Variants in SCYL3 observed in about 807,000 individuals in gnomAD.
SCYL3 encodes SCY1 like pseudokinase 3, also known as protein-associating with the carboxyl-terminal domain of ezrin.
In SCYL3, 35 loss-of-function variants were observed where a neutral mutation model predicts 73.8. The ratio of observed to expected loss-of-function variants is 0.47; its 90% confidence interval spans 0.36 to 0.63. SCYL3 has a LOEUF of 0.63. SCYL3 is among the 20% of genes least tolerant of loss of function. SCYL3 has a pLI of 0.00. For synonymous variants in SCYL3, 277 were observed against 295.2 expected (o/e 0.94, Z 0.63); for missense variants, 712 against 798.9 (o/e 0.89, Z 1.31).
chr1:169,852,304 T>C lies in SCYL3; in HGVS notation c.*1409A>G. Reference sequence around the variant, plus strand: ...AATCAAATGAGTCTCCTAATAATTTTTGGCAGTAACTGAAGATCACATCTA... The same window carrying C: ...AATCAAATGAGTCTCCTAATAATTTCTGGCAGTAACTGAAGATCACATCTA... On this transcript the variant is annotated 3_prime_UTR_variant, in exon 13 of 13. Coordinates refer to ENST00000367771, the MANE Select transcript of SCYL3 (RefSeq NM_020423.7). 9.8e-6 allele frequency: 3 copies of C among 305,176 alleles called. No individual in the cohort carries two copies. Among genetic ancestry groups the C allele is most frequent in the East Asian group, 1.8e-4 (2 of 10,984 alleles). The allele number at this position is 305,176 out of a possible 1,614,324, so 18.9% of individuals were successfully genotyped here.
rs762237726 is a variant in SCYL3, at chr1:169,853,668, A to T, written c.*45T>A. The T allele has an allele frequency of 1.2e-4, 185 of 1,590,244 alleles. 2 individuals carry two copies. The highest frequency in any genetic ancestry group is 3.6e-4 in the South Asian group (32 of 89,224). The stretch of plus-strand genomic sequence containing the variant: ...TGCTTTTGAGGTATTGATTTTTTTT[A>T]AAAAAAGGGAATCCTTTTTCCTAAA... On this transcript the variant is annotated 3_prime_UTR_variant, in exon 13 of 13. Transcript: ENST00000367771.
chr1:169,853,978 C>A, intron 12 of SCYL3: 1 of 628,602 alleles, frequency 1.6e-6, no homozygotes. Context: ...TTTTCAAAAA[C>A]CATAAAATCC....
chr1:169,864,369 C>T lies in SCYL3; in HGVS notation c.955G>A (p.Asp319Asn). The T allele has an allele frequency of 6.2e-7, 1 of 1,613,866 alleles. No homozygotes were observed. The highest frequency in any genetic ancestry group is 8.5e-7 in the Non-Finnish European group (1 of 1,179,814). Residue 319 changes from aspartate (D) to asparagine (N), a missense_variant and splice_region_variant, in exon 9 of 13, where the codon GAT becomes AAT. Coordinates refer to ENST00000367771, the MANE Select transcript of SCYL3 (RefSeq NM_020423.7). ...AATAACACTTTGAAAAAGCATTCAC[C>T]TTTTTTGGGGCCAAGCAGATAAGGA... ...FLPYLLGPKK[D>N]HAQGETPCLL...
rs982710560 is a variant in SCYL3, at chr1:169,853,567, C to T, written c.*146G>A. The stretch of plus-strand genomic sequence containing the variant: ...AGCACTCACAGTCAGTCTCCTACTT[C>T]AGTTGGCACAGACTGGATAATGAGC... On this transcript the variant is annotated 3_prime_UTR_variant, in exon 13 of 13. Transcript: ENST00000367771. 2 of 786,410 alleles carry T rather than the reference C, an allele frequency of 2.5e-6. No individual in the cohort carries two copies. The highest frequency in any genetic ancestry group is 4.1e-6 in the Non-Finnish European group (2 of 483,770). The allele number at this position is 786,410 out of a possible 1,614,324, so 48.7% of individuals were successfully genotyped here. A position where few individuals can be genotyped will look rare whatever the true frequency, so the allele number is the denominator to read the frequency against.
At chr1:169,880,419 C>T (rs768181111) in intron 2 of SCYL3, among the ~76,000 whole-genome samples, 3 of 90,928 alleles carry the variant, frequency 3.3e-5, no homozygotes, top group Non-Finnish European at 8.7e-5. Flanking sequence ...AAAGGAAACA[C>T]ATTACATGGA....
At chr1:169,883,744 A>G (rs1257809417) in intron 2 of SCYL3, among the ~76,000 whole-genome samples, 1 of 130,112 alleles carries the variant, frequency 7.7e-6, no homozygotes. Flanking sequence ...TTTGAGACAG[A>G]GTCTCGCTAT....
chr1:169,860,578 C>T (rs752157023), intron 10 of SCYL3, among the ~76,000 whole-genome samples: 1 of 152,222 alleles, frequency 6.6e-6, no homozygotes, highest in Non-Finnish European at 1.5e-5. Flanking sequence ...TCCAACAGGA[C>T]TCAAAAGATA....
chr1:169,866,040 C>A (rs979504707), intron 8 of SCYL3, among the ~76,000 whole-genome samples: 8 of 152,222 alleles, frequency 5.3e-5, no homozygotes, highest in Non-Finnish European at 1.5e-5. Context: ...CTTAAGACTT[C>A]TCTGAAGCTT....
Position 169,852,551 on chromosome 1 carries a change from C to T in SCYL3, c.*1162G>A. 1 of 520,966 alleles carries T rather than the reference C, an allele frequency of 1.9e-6. No individual in the cohort carries two copies. 32.3% of individuals were successfully genotyped at this position (520,966 alleles called of 1,614,324 possible). Reference sequence around the variant, plus strand: ...ATTGGGAGCCCTTTGGGACAGGATACTTGTTGTATACCACATACAAACTAA... The same window carrying T: ...ATTGGGAGCCCTTTGGGACAGGATATTTGTTGTATACCACATACAAACTAA... On this transcript the variant is annotated 3_prime_UTR_variant, in exon 13 of 13. Coordinates refer to ENST00000367771, the MANE Select transcript of SCYL3 (RefSeq NM_020423.7).
intron 11 of SCYL3, among the ~76,000 whole-genome samples, chr1:169,858,612 T>G (rs1375250684): frequency 2.0e-5 from 3 of 152,232 alleles, no homozygotes; most frequent in Non-Finnish European, 4.4e-5. Flanking sequence ...TGTACTTTTA[T>G]ATAACTGGCA....
chr1:169,892,034 T>C (rs1318157522), intron 1 of SCYL3, among the ~76,000 whole-genome samples: 4 of 152,208 alleles, frequency 2.6e-5, no homozygotes, highest in Non-Finnish European at 5.9e-5. Context: ...TGCCATTTTC[T>C]TGTTTTGAAA....
At chr1:169,868,294 T>A (rs1018651880) in intron 7 of SCYL3, among the ~76,000 whole-genome samples, 1 of 152,228 alleles carries the variant, frequency 6.6e-6, no homozygotes, top group African/African-American at 2.4e-5. Context: ...AACATAAGGT[T>A]GGCTTTGCTA....
intron 10 of SCYL3, among the ~76,000 whole-genome samples, chr1:169,860,535 G>A (rs1450019988): frequency 6.6e-6 from 1 of 152,110 alleles, no homozygotes; most frequent in African/African-American, 2.4e-5. Context: ...TTTCTGGCCT[G>A]GTTTCCTCAT....
At chr1:169,875,178 A>T (rs1336485536) in intron 4 of SCYL3, among the ~76,000 whole-genome samples, 1 of 152,232 alleles carries the variant, frequency 6.6e-6, no homozygotes, top group Non-Finnish European at 1.5e-5. Flanking sequence ...CACGTTAGAC[A>T]TGGCCCAAGT....
intron 3 of SCYL3, among the ~76,000 whole-genome samples, chr1:169,877,982 T>TG (rs1660971855): frequency 6.6e-6 from 1 of 152,206 alleles, no homozygotes; most frequent in African/African-American, 2.4e-5. Flanking sequence ...TTAATCTTGG[T>TG]GGACTGCCAA....
At chr1:169,868,200 C>T (rs1346899346) in intron 7 of SCYL3, among the ~76,000 whole-genome samples, 1 of 152,180 alleles carries the variant, frequency 6.6e-6, no homozygotes, top group East Asian at 1.9e-4. Context: ...ATTTTCCCCA[C>T]TTGGGAATAA....
chr1:169,854,921 G>T lies in SCYL3; in HGVS notation c.1356C>A (p.Leu452=). Residue 452 remains leucine (L), a synonymous_variant, in exon 12 of 13, where the codon CTC becomes CTA. Coordinates refer to ENST00000367771, the MANE Select transcript of SCYL3 (RefSeq NM_020423.7). ...CCTCCGAAGTATTTTTTACATCTGA[G>T]AGTCCATTTATGGGAAATTTAATAG... is the stretch of plus-strand genomic sequence containing the variant. ...SQPIKFPING[L]SDVKNTSEDS... is the part of the protein sequence containing the mutation. The T allele has an allele frequency of 6.2e-7, 1 of 1,612,556 alleles. No individual in the cohort carries two copies. The highest frequency in any genetic ancestry group is 1.1e-5 in the South Asian group (1 of 90,778).
In SCYL3 at chr1:169,875,962, C is replaced by A; in HGVS notation, c.465+16G>T. ...TTAAAAACCAAGTAAGGAAGGGGGG[C>A]TGTCCCCTGGCTTACCTCTGGTGTG... is the stretch of plus-strand genomic sequence containing the variant. On this transcript the variant is annotated intron_variant, in intron 4 of 12. Transcript: ENST00000367771. 1.9e-6 allele frequency: 3 copies of A among 1,540,040 alleles called. No homozygotes were observed. In the African/African-American group the frequency reaches 4.1e-5, roughly 21 times the overall value.
chr1:169,875,866 A>G (rs576770261), intron 4 of SCYL3, 112 bp downstream of exon 4: 1 of 511,428 alleles, frequency 2.0e-6, no homozygotes, highest in Admixed American at 4.1e-5. Flanking sequence ...AAAAAATTCA[A>G]GTCTCCAAAT....
Sources: gnomAD v4.1 joint callset for allele counts (sites outside exome capture counted in the v4.1 genomes callset) on GRCh38, gnomAD v4.1.1 for gene constraint, MANE v1.5 for transcripts, NCBI Gene and HGNC (gene_info 2026-07-23, HGNC 2026-07-21) for gene names.